The following MGLL variants were observed in gnomAD, a reference collection of about 807,000 sequenced individuals.
The protein encoded by MGLL is monoglyceride lipase, also known as lysophospholipase homolog.
Under a neutral mutation model 29.1 loss-of-function variants are expected in MGLL, and 7 were observed. That is an observed-to-expected ratio of 0.24 (90% CI 0.14 to 0.45). The LOEUF is 0.45. MGLL is among the 20% of genes least tolerant of loss of function. The pLI is 0.99. For synonymous variants in MGLL, 148 were observed against 168.3 expected, an observed-to-expected ratio of 0.88 and a Z score of 0.93; for missense variants, 356 against 413.6, an observed-to-expected ratio of 0.86 and a Z score of 1.21.
chr3:127,766,683 A>G (rs543995587), intron 3 of MGLL, among the ~76,000 whole-genome samples: 26 of 152,252 alleles, frequency 1.7e-4, no homozygotes, highest in Non-Finnish European at 2.9e-4. Context: ...GCCATAATCA[A>G]TGCAAAACCA....
intron 3 of MGLL, among the ~76,000 whole-genome samples, chr3:127,766,185 T>C (rs1330222937): frequency 1.3e-5 from 2 of 152,116 alleles, no homozygotes; most frequent in African/African-American, 4.8e-5. Flanking sequence ...CCATGCACAC[T>C]TCTGCCAGAA....
chr3:127,768,537 G>T (rs72626392), intron 3 of MGLL, among the ~76,000 whole-genome samples: 19,097 of 152,138 alleles, frequency 0.13, 1,236 homozygotes, highest in Middle Eastern at 0.17. Flanking sequence ...GACTACTGGA[G>T]TCATAGAAAT....
chr3:127,735,846 A>G (rs1239638394), intron 3 of MGLL: 5 of 1,596,932 alleles, frequency 3.1e-6, no homozygotes, highest in Non-Finnish European at 3.4e-6. Flanking sequence ...ATCCTTCTGA[A>G]TCTAGTCTGC....
intron 4 of MGLL, among the ~76,000 whole-genome samples, chr3:127,721,519 T>TTTG (rs1559922327): frequency 3.3e-5 from 5 of 150,070 alleles, no homozygotes; most frequent in Non-Finnish European, 1.5e-5. Context: ...TTTTTTTTTT[T>TTTG]TTTTTTTTTT....
Position 127,691,343 on chromosome 3 carries a change from C to G in MGLL, c.*855G>C, listed in dbSNP as rs2075239085. On this transcript the variant is annotated 3_prime_UTR_variant, in exon 8 of 8. Transcript: ENST00000265052. ...TTCCCTCAAACTCCCCTTGCTCCCT[C>G]CCACCTATCCACCAAAATAGTCTCT... is the stretch of plus-strand genomic sequence containing the variant. 3.3e-5 allele frequency: 5 copies of G among 152,372 alleles called. No individual in the cohort carries two copies. Among genetic ancestry groups the G allele is most frequent in the Admixed American group, 3.3e-4 (5 of 15,294 alleles). The allele number at this position is 152,372 out of a possible 1,614,324, so 9.4% of individuals were successfully genotyped here. A position where few individuals can be genotyped will look rare whatever the true frequency, so the allele number is the denominator to read the frequency against.
chr3:127,719,532 C>A (rs1402507401), intron 5 of MGLL, among the ~76,000 whole-genome samples: 1 of 152,246 alleles, frequency 6.6e-6, no homozygotes. Context: ...ACAGTGCATG[C>A]CTGGCATTGG....
intron 3 of MGLL, among the ~76,000 whole-genome samples, chr3:127,759,403 C>A (rs2076722463): frequency 6.6e-6 from 1 of 152,164 alleles, no homozygotes; most frequent in African/African-American, 2.4e-5. Context: ...CCCTACCACA[C>A]CTGATGTGAC....
intron 7 of MGLL, among the ~76,000 whole-genome samples, chr3:127,694,286 A>T (rs568473708): frequency 0.037 from 3,562 of 97,354 alleles, 134 homozygotes; most frequent in African/African-American, 0.078. Flanking sequence ...AAAAAAAAAA[A>T]ATATATATAT....
At chr3:127,817,595 C>A (rs1489858801) in intron 2 of MGLL, among the ~76,000 whole-genome samples, 1 of 152,222 alleles carries the variant, frequency 6.6e-6, no homozygotes, top group East Asian at 1.9e-4. Flanking sequence ...CACTGCCTGG[C>A]AGGGGTCAGA....
chr3:127,710,543 A>C, intron 6 of MGLL, 33 bp downstream of exon 6: 1 of 1,500,792 alleles, frequency 6.7e-7, no homozygotes, highest in African/African-American at 1.4e-5. Flanking sequence ...GCAGCCACCC[A>C]AGCTACCCCT....
chr3:127,703,282 C>G (rs1195955153), intron 6 of MGLL, among the ~76,000 whole-genome samples: 1 of 152,252 alleles, frequency 6.6e-6, no homozygotes, highest in Admixed American at 6.5e-5. Context: ...TGCCTTCTCA[C>G]AGGCTCAGGG....
At chr3:127,696,351 G>A (rs2107582679) in intron 6 of MGLL, among the ~76,000 whole-genome samples, 1 of 144,678 alleles carries the variant, frequency 6.9e-6, no homozygotes, top group South Asian at 2.3e-4. Flanking sequence ...AAGTTTCTAG[G>A]AATCTCTCAG....
At chr3:127,738,001 C>T (rs981873288) in intron 3 of MGLL, among the ~76,000 whole-genome samples, 6 of 152,012 alleles carry the variant, frequency 3.9e-5, no homozygotes, top group African/African-American at 7.2e-5. Flanking sequence ...GTAAGAATAA[C>T]GTAAGAAGTG....
intron 2 of MGLL, among the ~76,000 whole-genome samples, chr3:127,796,666 G>A (rs576203570): frequency 6.6e-6 from 1 of 152,252 alleles, no homozygotes; most frequent in African/African-American, 2.4e-5. Context: ...TGCAGCCAAC[G>A]GTGCCCTATG....
intron 6 of MGLL, among the ~76,000 whole-genome samples, chr3:127,703,499 G>A (rs2075539242): frequency 6.6e-6 from 1 of 152,248 alleles, no homozygotes; most frequent in African/African-American, 2.4e-5. Context: ...GGGGTCCTGT[G>A]TGAAAGCCTC....
intron 6 of MGLL, among the ~76,000 whole-genome samples, chr3:127,705,686 G>A (rs1310924768): frequency 6.6e-6 from 1 of 151,040 alleles, no homozygotes; most frequent in Non-Finnish European, 1.5e-5. Context: ...TGAGGCAGGA[G>A]AATCGCTTGA....
chr3:127,693,633 C>T (rs957677054), intron 7 of MGLL, among the ~76,000 whole-genome samples: 4 of 152,154 alleles, frequency 2.6e-5, no homozygotes, highest in Admixed American at 6.5e-5. Context: ...GTGCTGCTTT[C>T]CCCCTGTCCC....
intron 3 of MGLL, among the ~76,000 whole-genome samples, chr3:127,723,877 C>G (rs1019399076): frequency 6.6e-6 from 1 of 152,114 alleles, no homozygotes; most frequent in Non-Finnish European, 1.5e-5. Flanking sequence ...GGAATGGGAC[C>G]TTATTTGAAG....
In MGLL at chr3:127,692,258, A is replaced by G; in HGVS notation, c.882T>C (p.His294=). The G allele has an allele frequency of 2.5e-6, 4 of 1,614,030 alleles. No homozygotes were observed. The highest frequency in any genetic ancestry group is 3.4e-6 in the Non-Finnish European group (4 of 1,179,920). ...ELPEVTNSVF[H]EINMWVSQRT... is the part of the protein sequence containing the mutation. ...TTTGAGAGACCCACATGTTTATTTC[A>G]TGGAAGACGGAGTTGGTGACTTCAG... is the stretch of plus-strand genomic sequence containing the variant. Residue 294 remains histidine (H), a synonymous_variant, in exon 8 of 8, where the codon CAT becomes CAC. Coordinates refer to ENST00000265052, the MANE Select transcript of MGLL (RefSeq NM_007283.7).
Sources: gnomAD v4.1 joint callset for allele counts (sites outside exome capture counted in the v4.1 genomes callset) on GRCh38, gnomAD v4.1.1 for gene constraint, MANE v1.5 for transcripts, NCBI Gene and HGNC (gene_info 2026-07-23, HGNC 2026-07-21) for gene names.